TRHDE: variants seen among roughly 807,000 people sequenced by gnomAD.
TRHDE encodes thyrotropin releasing hormone degrading enzyme.
A neutral mutation model predicts 125.7 loss-of-function variants in TRHDE; 72 were observed. The observed-to-expected ratio is 0.57, with a 90% confidence interval of 0.47 to 0.70. The LOEUF (loss-of-function observed/expected upper bound fraction) is 0.70, where lower values mean the gene tolerates loss of function less well. Among genes scored for constraint, TRHDE ranks in the 30% least tolerant of loss-of-function variants. The probability of loss-of-function intolerance (pLI) is 0.00; values close to 1 mark genes in which losing one functional copy is unlikely to be tolerated. For synonymous variants in TRHDE, 509 were observed against 509.1 expected (o/e 1.00, Z 0.00); for missense variants, 1,110 against 1,327.1 (o/e 0.84, Z 2.54).
At chr12:72,451,590 G>A (rs1209132770) in intron 3 of TRHDE, among the ~76,000 whole-genome samples, 1 of 151,882 alleles carries the variant, frequency 6.6e-6, no homozygotes, top group Non-Finnish European at 1.5e-5. Context: ...TGTTGTTGTT[G>A]TTGTTGTTGT....
chr12:72,292,720 G>C (rs112135911), intron 2 of TRHDE, among the ~76,000 whole-genome samples: 1,556 of 152,218 alleles, frequency 0.01, 27 homozygotes, highest in African/African-American at 0.036. Flanking sequence ...CAATCCCAAG[G>C]CTTTTCCAGT....
At chr12:72,239,513 G>A (rs1340295568) in intron 2 of TRHDE, among the ~76,000 whole-genome samples, 1 of 152,110 alleles carries the variant, frequency 6.6e-6, no homozygotes, top group Admixed American at 6.5e-5. Flanking sequence ...GATTCTTATG[G>A]TTTTAGGTCT....
chr12:72,097,539 T>C (rs1356443340), intron 1 of TRHDE, among the ~76,000 whole-genome samples: 1 of 146,996 alleles, frequency 6.8e-6, no homozygotes, highest in Non-Finnish European at 1.5e-5. Flanking sequence ...AGCCTCGACC[T>C]CCTGGGATCA....
At chr12:72,120,222 T>G (rs1047222913) in intron 2 of TRHDE, among the ~76,000 whole-genome samples, 1 of 152,064 alleles carries the variant, frequency 6.6e-6, no homozygotes, top group Non-Finnish European at 1.5e-5. Flanking sequence ...GGTTAATTTT[T>G]GTATTTTTAG....
intron 2 of TRHDE, among the ~76,000 whole-genome samples, chr12:72,373,047 G>A (rs1565717364): frequency 1.3e-5 from 2 of 152,136 alleles, no homozygotes; most frequent in South Asian, 2.1e-4. Flanking sequence ...CCATTTGTTT[G>A]TATCCTCTTT....
intron 5 of TRHDE, among the ~76,000 whole-genome samples, chr12:72,483,696 G>A (rs745712098): frequency 1.3e-5 from 2 of 151,726 alleles, no homozygotes; most frequent in African/African-American, 2.4e-5. Context: ...TGGGCTCTTC[G>A]TACTCTATAT....
At chr12:72,345,759 T>C (rs1870300649) in intron 2 of TRHDE, among the ~76,000 whole-genome samples, 1 of 152,012 alleles carries the variant, frequency 6.6e-6, no homozygotes, top group Non-Finnish European at 1.5e-5. Context: ...ACTTTATCCC[T>C]TGGGGAGACA....
At chr12:72,614,725 A>C (rs1359128793) in intron 12 of TRHDE, among the ~76,000 whole-genome samples, 1 of 152,118 alleles carries the variant, frequency 6.6e-6, no homozygotes, top group African/African-American at 2.4e-5. Context: ...TCAACCCCAG[A>C]AATCAATTGC....
At chr12:72,165,698 G>C (rs1249126355) in intron 2 of TRHDE, among the ~76,000 whole-genome samples, 1 of 150,274 alleles carries the variant, frequency 6.7e-6, no homozygotes, top group Admixed American at 6.6e-5. Flanking sequence ...TTTTGAGATG[G>C]AGTCCTGCTC....
intron 7 of TRHDE, 122 bp downstream of exon 7, chr12:72,542,478 C>A: frequency 3.0e-6 from 2 of 659,244 alleles, no homozygotes; most frequent in Non-Finnish European, 4.9e-6. Context: ...GTAAGTTAAG[C>A]AATGTCTTTC....
chr12:72,571,717 A>C (rs540825186), intron 10 of TRHDE, among the ~76,000 whole-genome samples: 2 of 152,160 alleles, frequency 1.3e-5, no homozygotes, highest in Non-Finnish European at 2.9e-5. Context: ...TTAGGAAAGA[A>C]AATATTAAAA....
chr12:72,606,650 C>A (rs1465501478), intron 12 of TRHDE, among the ~76,000 whole-genome samples: 1 of 152,158 alleles, frequency 6.6e-6, no homozygotes, highest in Non-Finnish European at 1.5e-5. Flanking sequence ...ATGATACATA[C>A]TGGGGATACA....
At chr12:72,572,123 G>A (rs1870772790) in intron 10 of TRHDE, among the ~76,000 whole-genome samples, 2 of 151,750 alleles carry the variant, frequency 1.3e-5, no homozygotes, top group Non-Finnish European at 2.9e-5. Flanking sequence ...ATCCTCATTT[G>A]ATTTTCACAA....
At chr12:72,579,209 C>T (rs555383730) in intron 12 of TRHDE, among the ~76,000 whole-genome samples, 45 of 151,994 alleles carry the variant, frequency 3.0e-4, no homozygotes, top group African/African-American at 9.6e-4. Context: ...TATTCTGAAG[C>T]CTTTTCCAAT....
chr12:72,380,698 G>GCTTCCTTCGTTC (rs1872102650), intron 3 of TRHDE, among the ~76,000 whole-genome samples: 1 of 131,966 alleles, frequency 7.6e-6, no homozygotes, highest in African/African-American at 3.4e-5. Context: ...GCAGGCTGCA[G>GCTTCCTTCGTTC]CTTCCTTCCT....
intron 15 of TRHDE, among the ~76,000 whole-genome samples, chr12:72,640,210 G>A (rs1359537011): frequency 6.6e-6 from 1 of 152,230 alleles, no homozygotes; most frequent in Non-Finnish European, 1.5e-5. Context: ...CTCCTGGTGT[G>A]CTGTTTTTTA....
chr12:72,525,601 T>TGTGTGTGTGTG (rs1868317196), intron 6 of TRHDE, among the ~76,000 whole-genome samples: 1 of 127,672 alleles, frequency 7.8e-6, no homozygotes, highest in African/African-American at 3.2e-5. Flanking sequence ...TGTGTGTGGT[T>TGTGTGTGTGTG]TGTGTGTGTG....
At chr12:72,456,218 G>A (rs997018790) in intron 3 of TRHDE, among the ~76,000 whole-genome samples, 2 of 149,446 alleles carry the variant, frequency 1.3e-5, no homozygotes, top group Non-Finnish European at 3.0e-5. Context: ...GAGTTGGTTA[G>A]CTTTCATCAC....
At chr12:72,133,061 G>A (rs1003325142) in intron 2 of TRHDE, among the ~76,000 whole-genome samples, 3 of 152,152 alleles carry the variant, frequency 2.0e-5, no homozygotes, top group African/African-American at 7.2e-5. Context: ...TCGGTGCCAT[G>A]ATGAAGAATA....
Sources: allele counts gnomAD v4.1 joint callset (sites outside exome capture counted in the v4.1 genomes callset), GRCh38; gene constraint gnomAD v4.1.1; transcripts MANE v1.5; gene names NCBI Gene and HGNC (gene_info 2026-07-23, HGNC 2026-07-21).